ZNF790: variants seen among roughly 807,000 people sequenced by gnomAD.
ZNF790 encodes zinc finger protein 790.
A neutral mutation model predicts 12.1 loss-of-function variants in ZNF790; 8 were observed. That is an observed-to-expected ratio of 0.66 (90% CI 0.39 to 1.19). The LOEUF (loss-of-function observed/expected upper bound fraction) is 1.19, where lower values mean the gene tolerates loss of function less well. ZNF790 is among the 50% of genes most tolerant of loss of function. The pLI is 0.01. For synonymous variants in ZNF790, 252 were observed against 244.3 expected (o/e 1.03, Z -0.29); for missense variants, 707 against 752.2 (o/e 0.94, Z 0.70).
At chr19:36,848,413 T>A (rs1277936563) in intron 1 of ZNF790, among the ~76,000 whole-genome samples, 1 of 152,216 alleles carries the variant, frequency 6.6e-6, no homozygotes, top group African/African-American at 2.4e-5. Flanking sequence ...TTTCCCGGAC[T>A]ACCCCACAGG....
In ZNF790 at chr19:36,845,047, C is replaced by CAAA. The variant is rs10611049; in HGVS notation, c.-74+4952_-74+4954dup. On this transcript the variant is annotated intron_variant, in intron 1 of 4. Transcript: ENST00000528994. Reference sequence around the variant, plus strand: ...TGGGCGACAGAGCGAGACTCCGTCTCAAAAAAAAAAAAAAAAAAAAAAAAA... The same window carrying CAAA: ...TGGGCGACAGAGCGAGACTCCGTCTCAAAAAAAAAAAAAAAAAAAAAAAAAAAA... Among the ~76,000 whole-genome samples the CAAA allele has an allele frequency of 2.3e-3, 79 of 34,856 alleles. 2 individuals are homozygous for CAAA. The highest frequency in any genetic ancestry group is 0.036 in the Middle Eastern group (1 of 28). The allele number at this position is 34,856 out of a possible 152,430, so 22.9% of individuals were successfully genotyped here.
chr19:36,850,780 C>G (rs928727823), upstream of ZNF790: 2 of 152,242 alleles, frequency 1.3e-5, no homozygotes, highest in Admixed American at 1.3e-4. Flanking sequence ...GGCAACCTGT[C>G]GCTTTCTGGA....
upstream of ZNF790, among the ~76,000 whole-genome samples, chr19:36,840,665 A>C (rs2072122232): frequency 6.6e-6 from 1 of 152,218 alleles, no homozygotes; most frequent in South Asian, 2.1e-4. Context: ...AACCAATCTG[A>C]AATTCAAGTT....
At chr19:36,847,620 T>C (rs541961240) in intron 1 of ZNF790, among the ~76,000 whole-genome samples, 1 of 151,836 alleles carries the variant, frequency 6.6e-6, no homozygotes, top group South Asian at 2.1e-4. Context: ...ATTGGTGGCA[T>C]GTGCCTGTAA....
Position 36,819,316 on chromosome 19 carries a change from C to T in ZNF790, c.1028G>A (p.Cys343Tyr). The T allele has an allele frequency of 6.2e-7, 1 of 1,610,676 alleles. No individual in the cohort carries two copies. The highest frequency in any genetic ancestry group is 8.5e-7 in the Non-Finnish European group (1 of 1,178,110). The change falls in exon 5 of 5, where the codon TGT (cysteine) becomes TAT (tyrosine). Residue 343 changes from cysteine to tyrosine, a missense_variant. Coordinates refer to ENST00000356725, the MANE Select transcript of ZNF790 (RefSeq NM_206894.4). ...TGATCCACGAGTAAAAGCTTTCCCA[C>T]ACTCCTTACATTCATAAGGTTTTTC... ...TGEKPYECKE[C>Y]GKAFTRGSHL...
chr19:36,819,805 A>G lies in ZNF790; in HGVS notation c.539T>C (p.Ile180Thr). ...ATGTTGAGTATGATCTGAACCAGAAATAAAGGCTTTCCCCAGTTCTTTAAA... is the reference window on the plus strand; with the variant it reads ...ATGTTGAGTATGATCTGAACCAGAAGTAAAGGCTTTCCCCAGTTCTTTAAA... Reference protein sequence around the residue: ...NEFKELGKAFISGSDHTQHQL... With the variant: ...NEFKELGKAFTSGSDHTQHQL... The change falls in exon 5 of 5, where the codon ATT (isoleucine) becomes ACT (threonine). Residue 180 changes from isoleucine to threonine, a missense_variant. Ile to Thr is a moderately conservative substitution (Grantham distance 89). Transcript: ENST00000356725. 6.2e-7 allele frequency: 1 copy of G among 1,613,088 alleles called. No homozygotes were observed.
chr19:36,818,932 A>T lies in ZNF790; in HGVS notation c.1412T>A (p.Ile471Asn). The change falls in exon 5 of 5, where the codon ATT becomes AAT. Residue 471 changes from isoleucine to asparagine, a missense_variant. Ile to Asn is a moderately radical substitution (Grantham distance 149, BLOSUM62 -3). Coordinates refer to ENST00000356725, the MANE Select transcript of ZNF790 (RefSeq NM_206894.4). The stretch of plus-strand genomic sequence containing the variant: ...TTCATAGTTTCTCTCACCAGTATGA[A>T]TTTTCTGATGTCGATTAAACTCTGA... ...HGSEFNRHQK[I>N]HTGERNYECK... The T allele has an allele frequency of 6.2e-7, 1 of 1,610,408 alleles. No individual in the cohort carries two copies. Among genetic ancestry groups the T allele is most frequent in the Middle Eastern group, 1.7e-4 (1 of 6,042 alleles).
At chr19:36,845,902 G>C (rs1368274982) in intron 1 of ZNF790, among the ~76,000 whole-genome samples, 1 of 151,692 alleles carries the variant, frequency 6.6e-6, no homozygotes, top group Non-Finnish European at 1.5e-5. Flanking sequence ...TCTGCCTCCC[G>C]GGTTCAAGCG....
At chr19:36,824,036 G>A (rs1287752062) in intron 2 of ZNF790, among the ~76,000 whole-genome samples, 21 of 129,020 alleles carry the variant, frequency 1.6e-4, no homozygotes, top group East Asian at 2.2e-4. Flanking sequence ...TCGCTCTGTC[G>A]CCCAGGCTGG....
rs766150416 is a variant in ZNF790, at chr19:36,819,365, T to C, written c.979A>G (p.Lys327Glu). 3 of 1,612,886 alleles carry C rather than the reference T, an allele frequency of 1.9e-6. No individual in the cohort carries two copies. Among genetic ancestry groups the C allele is most frequent in the African/African-American group, 2.7e-5 (2 of 74,838 alleles). ...KAFSQRSHLI[K>E]HQRIHTGEKP... ...TCACCAGTGTGAATTCTCTGATGTT[T>C]AATAAGATGTGATCGCTGACTAAAG... is the stretch of plus-strand genomic sequence containing the variant. The change falls in exon 5 of 5, where the codon AAA (lysine) becomes GAA (glutamate). Residue 327 changes from lysine to glutamate, a missense_variant. Physicochemically the swap from Lys to Glu is moderately conservative, Grantham distance 56. Transcript: ENST00000356725.
rs1295040986 is a variant in ZNF790 at position 36,823,728 on chromosome 19, C to G, written c.72G>C (p.Leu24=). ...FSQEEWECLD[L]EQRDLYRDVM... The stretch of plus-strand genomic sequence containing the variant: ...CATCTCTATATAAATCCCTCTGTTC[C>G]AGGTCCAGGCACTCCCACTCCTCCT... The change falls in exon 3 of 5, where the codon CTG becomes CTC. Residue 24 remains leucine (L), a synonymous_variant. Coordinates refer to ENST00000356725, the MANE Select transcript of ZNF790 (RefSeq NM_206894.4). 1.2e-6 allele frequency: 2 copies of G among 1,613,590 alleles called. No homozygotes were observed. Among genetic ancestry groups the G allele is most frequent in the South Asian group, 1.1e-5 (1 of 90,998 alleles).
In ZNF790 at chr19:36,838,106, GCA is replaced by G. The variant is rs903557760; in HGVS notation, c.-74+229_-74+230del. The G allele has an allele frequency of 4.2e-3, 313 of 75,106 alleles. 2 individuals carry two copies. In the Middle Eastern group the frequency reaches 0.052, roughly 13 times the overall value. The allele number at this position is 75,106 out of a possible 1,614,324, so 4.7% of individuals were successfully genotyped here. On this transcript the variant is annotated intron_variant, in intron 1 of 4. Transcript: ENST00000356725. This position sits in a 1 kb window ranked among gnomAD's most constrained non-coding sequence, Gnocchi z 4.4. ...CTGTCAACGTCGTGTGCGCGTGCGC[GCA>G]CACACACACACACACACACATACAC...
chr19:36,823,583 G>T, intron 3 of ZNF790, 84 bp downstream of exon 3: 3 of 1,543,396 alleles, frequency 1.9e-6, no homozygotes. Context: ...ACAAAGGTCA[G>T]AAGTTACCCT....
chr19:36,827,141 C>CACACACATATATATATATAT (rs1313807327), intron 1 of ZNF790, among the ~76,000 whole-genome samples: 3 of 84,436 alleles, frequency 3.6e-5, no homozygotes, highest in African/African-American at 5.5e-5. Flanking sequence ...CACACACACA[C>CACACACATATATATATATAT]ATATATATAT....
rs1422928874 is a variant in ZNF790 at position 36,818,521 on chromosome 19, T to C, written c.1823A>G (p.Gln608Arg). Residue 608 changes from glutamine to arginine, a missense_variant, in exon 5 of 5, where the codon CAG becomes CGG. By Grantham distance (43) the Gln-to-Arg change is conservative (BLOSUM62 1). Coordinates refer to ENST00000356725, the MANE Select transcript of ZNF790 (RefSeq NM_206894.4). ...FSHESNFAQHQNIYTFEKSYE... is the reference protein window; with the variant it reads ...FSHESNFAQHRNIYTFEKSYE... Reference sequence around the variant, plus strand: ...GGATTTCTCAAAAGTGTAAATATTCTGGTGTTGAGCAAAGTTTGACTCATG... The same window carrying C: ...GGATTTCTCAAAAGTGTAAATATTCCGGTGTTGAGCAAAGTTTGACTCATG... 7.5e-6 allele frequency: 12 copies of C among 1,601,374 alleles called. No individual in the cohort carries two copies. Among genetic ancestry groups the C allele is most frequent in the African/African-American group, 4.0e-5 (3 of 74,692 alleles).
rs377635922 is a variant in ZNF790 at position 36,819,397 on chromosome 19, C to A, written c.947G>T (p.Arg316Ile). ...GEKPYECNEC[R>I]KAFSQRSHLI... ...ATGTGATCGCTGACTAAAGGCCTTT[C>A]TACATTCATTACATTCATAGGGTTT... The change falls in exon 5 of 5, where the codon AGA (arginine) becomes ATA (isoleucine). Residue 316 changes from arginine (R) to isoleucine (I), a missense_variant. Coordinates refer to ENST00000356725, the MANE Select transcript of ZNF790 (RefSeq NM_206894.4). The A allele has an allele frequency of 5.0e-6, 8 of 1,612,700 alleles. No individual in the cohort carries two copies. Among genetic ancestry groups the A allele is most frequent in the African/African-American group, 1.3e-5 (1 of 74,842 alleles).
upstream of ZNF790, among the ~76,000 whole-genome samples, chr19:36,842,665 C>CA (rs531022010): frequency 7.8e-3 from 1,047 of 133,972 alleles, 15 homozygotes; most frequent in East Asian, 0.044. Flanking sequence ...AGATATAATA[C>CA]AAAAAAAAAA....
rs10566332 is a variant in ZNF790, at chr19:36,838,127, CAT to C, written c.-74+208_-74+209del. On this transcript the variant is annotated intron_variant, in intron 1 of 4. Coordinates refer to ENST00000356725, the MANE Select transcript of ZNF790 (RefSeq NM_206894.4). This position sits in a 1 kb window ranked among gnomAD's most constrained non-coding sequence, Gnocchi z 4.4. Reference sequence around the variant, plus strand: ...GCGCGCACACACACACACACACACACATACACACACACACACACAAGCTCCCG... The same window carrying C: ...GCGCGCACACACACACACACACACACACACACACACACACACAAGCTCCCG... 0.031 allele frequency: 2,305 copies of C among 75,210 alleles called. 59 individuals are homozygous for C. The highest frequency in any genetic ancestry group is 0.12 in the African/African-American group (2,044 of 16,554). 4.7% of individuals were successfully genotyped at this position (75,210 alleles called of 1,614,324 possible). A position where few individuals can be genotyped will look rare whatever the true frequency, so the allele number is the denominator to read the frequency against.
intron 1 of ZNF790, among the ~76,000 whole-genome samples, chr19:36,844,024 T>TA (rs34610511): frequency 2.4e-3 from 233 of 96,376 alleles, no homozygotes; most frequent in East Asian, 4.2e-3. Context: ...AAAAAAAAAT[T>TA]AAAAAAAAAA....
Sources: allele counts gnomAD v4.1 joint callset (sites outside exome capture counted in the v4.1 genomes callset), GRCh38; gene constraint gnomAD v4.1.1; non-coding constraint Gnocchi (gnomAD v3.1); transcripts MANE v1.5; gene names NCBI Gene and HGNC (gene_info 2026-07-23, HGNC 2026-07-21).